NR2F1: variants seen among roughly 807,000 people sequenced by gnomAD.
NR2F1 encodes nuclear receptor subfamily 2 group F member 1.
NR2F1 carries 1 observed loss-of-function variant against 37.7 expected under a neutral mutation model. The ratio of observed to expected loss-of-function variants is 0.03; its 90% confidence interval spans 0.01 to 0.13. The LOEUF (loss-of-function observed/expected upper bound fraction) is 0.13, where lower values mean the gene tolerates loss of function less well. Ranked by LOEUF, NR2F1 falls within the 10% of genes least tolerant of loss-of-function variation. The pLI is 1.00. For synonymous variants in NR2F1, 275 were observed against 259.6 expected (o/e 1.06, Z -0.57); for missense variants, 268 against 578.4 (o/e 0.46, Z 5.50).
rs1753176485 is a variant in NR2F1 at position 93,584,021 on chromosome 5, A to AGCGC, written c.-1003_-1002insGCGC. ...CCGCTCTCCAGCGCTGCCTTCCTGA[A>AGCGC]TGGCTGGCTGCGTCCGGCCCTGGAC... On this transcript the variant is annotated 5_prime_UTR_variant, in exon 1 of 3. It removes an upstream start codon present in the reference 5' UTR. Coordinates refer to ENST00000327111, the MANE Select transcript of NR2F1 (RefSeq NM_005654.6). 1.3e-5 allele frequency: 2 copies of AGCGC among 151,392 alleles called. No homozygotes were observed. The highest frequency in any genetic ancestry group is 4.2e-4 in the South Asian group (2 of 4,784). The allele number at this position is 151,392 out of a possible 1,614,324, so 9.4% of individuals were successfully genotyped here.
intron 2 of NR2F1, among the ~76,000 whole-genome samples, chr5:93,591,559 T>A (rs1389288056): frequency 6.6e-6 from 1 of 152,178 alleles, no homozygotes; most frequent in Non-Finnish European, 1.5e-5. Flanking sequence ...GGCAGGCCTT[T>A]CCTGGGCTTC....
Position 93,585,071 on chromosome 5 carries a change from C to G in NR2F1, c.48C>G (p.Ala16=). The G allele has an allele frequency of 9.7e-7, 1 of 1,030,558 alleles. No homozygotes were observed. The highest frequency in any genetic ancestry group is 1.2e-6 in the Non-Finnish European group (1 of 861,012). 63.8% of individuals were successfully genotyped at this position (1,030,558 alleles called of 1,614,324 possible). A position where few individuals can be genotyped will look rare whatever the true frequency, so the allele number is the denominator to read the frequency against. Residue 16 remains alanine (A), a synonymous_variant, in exon 1 of 3, where the codon GCC becomes GCG. Coordinates refer to ENST00000327111, the MANE Select transcript of NR2F1 (RefSeq NM_005654.6). The part of the protein sequence containing the change: ...SSWRDPQDDV[A]GGNPGGPNPA... ...GGCGAGATCCGCAGGACGACGTGGC[C>G]GGGGGCAACCCCGGCGGCCCCAACC...
chr5:93,584,585 G>A lies in NR2F1; in HGVS notation c.-439G>A, dbSNP rs1277461279. ...ATTTCTGATTTTGCAACTTGGGGAA[G>A]AAGAAAAAAGCGAGAGAAGGGAGCT... On this transcript the variant is annotated 5_prime_UTR_variant, in exon 1 of 3. Coordinates refer to ENST00000327111, the MANE Select transcript of NR2F1 (RefSeq NM_005654.6). 1 of 144,148 alleles carries A rather than the reference G, an allele frequency of 6.9e-6. No individual in the cohort carries two copies. The highest frequency in any genetic ancestry group is 2.5e-5 in the African/African-American group (1 of 39,954). The allele number at this position is 144,148 out of a possible 1,614,324, so 8.9% of individuals were successfully genotyped here.
intron 2 of NR2F1, among the ~76,000 whole-genome samples, chr5:93,588,813 CTCTG>C (rs1279894527): frequency 1.4e-5 from 2 of 146,782 alleles, no homozygotes; most frequent in Non-Finnish European, 3.1e-5. Context: ...GTGTGTGTGT[CTCTG>C]TGTGTGTGTC....
In NR2F1 at chr5:93,593,695, C is replaced by T. The variant is rs1428347041; in HGVS notation, c.1125C>T (p.Pro375=). 2 of 1,614,190 alleles carry T rather than the reference C, an allele frequency of 1.2e-6. No individual in the cohort carries two copies. Among genetic ancestry groups the T allele is most frequent in the Non-Finnish European group, 1.7e-6 (2 of 1,180,038 alleles). ...SRFGKLLLRL[P]SLRTVSSSVI... is the part of the protein sequence containing the mutation. ...TTGGCAAACTGCTGCTGCGACTGCCCTCGCTGCGCACCGTGTCCTCCTCCG... is the reference window on the plus strand; with the variant it reads ...TTGGCAAACTGCTGCTGCGACTGCCTTCGCTGCGCACCGTGTCCTCCTCCG... Residue 375 remains proline (P), a synonymous_variant, in exon 3 of 3, where the codon CCC becomes CCT. Coordinates refer to ENST00000327111, the MANE Select transcript of NR2F1 (RefSeq NM_005654.6). The surrounding 1 kb of genome is among the most constrained non-coding windows in gnomAD (Gnocchi z 5.6).
intron 2 of NR2F1, among the ~76,000 whole-genome samples, chr5:93,588,729 A>T (rs1040003751): frequency 6.7e-6 from 1 of 149,686 alleles, no homozygotes; most frequent in Non-Finnish European, 1.5e-5. Flanking sequence ...GCGGCTGCCG[A>T]GGGTGTGTGT....
intron 2 of NR2F1, chr5:93,592,090 C>G (rs997614725): frequency 1.3e-5 from 2 of 152,184 alleles, no homozygotes; most frequent in South Asian, 4.1e-4. Flanking sequence ...TATTTTTGCT[C>G]GAGGCCATAG....
In NR2F1 at chr5:93,593,866, C is replaced by G; in HGVS notation, c.*24C>G. 6.2e-7 allele frequency: 1 copy of G among 1,606,162 alleles called. No homozygotes were observed. Among genetic ancestry groups the G allele is most frequent in the Non-Finnish European group, 8.5e-7 (1 of 1,174,914 alleles). ...AGACCTTGGGCGCTTCCCACCTGCC[C>G]CGTCCCCCTAGAGACTCAGAGGACC... On this transcript the variant is annotated 3_prime_UTR_variant, in exon 3 of 3. Coordinates refer to ENST00000327111, the MANE Select transcript of NR2F1 (RefSeq NM_005654.6). The surrounding 1 kb of genome is among the most constrained non-coding windows in gnomAD (Gnocchi z 5.6).
At chr5:93,587,548 A>ATTTT (rs59902398) in intron 1 of NR2F1, 29 of 207,878 alleles carry the variant, frequency 1.4e-4, no homozygotes, top group African/African-American at 5.6e-4. Context: ...TTTAACCCTG[A>ATTTT]TTTTTTTTTT....
chr5:93,585,561 T>A, intron 1 of NR2F1, 75 bp downstream of exon 1: 1 of 1,266,080 alleles, frequency 7.9e-7, no homozygotes, highest in Non-Finnish European at 1.1e-6. Flanking sequence ...CTCGCCCGGG[T>A]GGTTGCTGTG....
intron 1 of NR2F1, chr5:93,587,582 T>C: frequency 7.4e-6 from 2 of 268,758 alleles, no homozygotes; most frequent in South Asian, 1.6e-4. Context: ...GTGAGTGGGG[T>C]TTCATTTATC....
intron 1 of NR2F1, chr5:93,587,613 C>A: frequency 2.8e-6 from 1 of 352,792 alleles, no homozygotes; most frequent in Non-Finnish European, 5.1e-6. Context: ...CCCGTGGTGG[C>A]TTAGGGGTTG....
chr5:93,585,401 G>T lies in NR2F1; in HGVS notation c.378G>T (p.Arg126Ser). The T allele has an allele frequency of 6.2e-7, 1 of 1,614,092 alleles. No individual in the cohort carries two copies. The highest frequency in any genetic ancestry group is 8.5e-7 in the Non-Finnish European group (1 of 1,180,002). Residue 126 changes from arginine (R) to serine (S), a missense_variant, in exon 1 of 3, where the codon AGG becomes AGT. By Grantham distance (110) the Arg-to-Ser change is moderately radical. Transcript: ENST00000327111. ...RNLTYTCRAN[R>S]NCPIDQHHRN... is the part of the protein sequence containing the mutation. Reference sequence around the variant, plus strand: ...TAACTTACACATGCCGTGCCAACAGGAACTGTCCCATCGACCAGCACCACC... The same window carrying T: ...TAACTTACACATGCCGTGCCAACAGTAACTGTCCCATCGACCAGCACCACC...
Position 93,593,509 on chromosome 5 carries a change from C to G in NR2F1, c.992-53C>G. ...TTATTTTGCCTTTGCTATTTGTCAG[C>G]CTAACCGTGTGCTCCCTTTCCCTGT... On this transcript the variant is annotated intron_variant, in intron 2 of 2. Coordinates refer to ENST00000327111, the MANE Select transcript of NR2F1 (RefSeq NM_005654.6). This position sits in a 1 kb window ranked among gnomAD's most constrained non-coding sequence, Gnocchi z 5.6. 6.4e-7 allele frequency: 1 copy of G among 1,562,156 alleles called. No homozygotes were observed. Among genetic ancestry groups the G allele is most frequent in the Non-Finnish European group, 8.7e-7 (1 of 1,144,284 alleles).
Position 93,584,158 on chromosome 5 carries a change from A to T in NR2F1, c.-866A>T, listed in dbSNP as rs1753179537. ...GAGCCCGGCGAGGGCTCCCGCCGGG[A>T]CAGCGGCGGCGCCGCGGGCGGCCCC... On this transcript the variant is annotated 5_prime_UTR_variant, in exon 1 of 3. Coordinates refer to ENST00000327111, the MANE Select transcript of NR2F1 (RefSeq NM_005654.6). 6.7e-6 allele frequency: 1 copy of T among 149,130 alleles called. No homozygotes were observed. Among genetic ancestry groups the T allele is most frequent in the East Asian group, 2.0e-4 (1 of 5,076 alleles). 9.2% of individuals were successfully genotyped at this position (149,130 alleles called of 1,614,324 possible). A position where few individuals can be genotyped will look rare whatever the true frequency, so the allele number is the denominator to read the frequency against.
rs2149946003 is a variant in NR2F1, at chr5:93,593,594, G to A, written c.1024G>A (p.Glu342Lys). The change falls in exon 3 of 3, where the codon GAG (glutamate) becomes AAG (lysine). Residue 342 changes from glutamate (E) to lysine (K), a missense_variant. Physicochemically the swap from Glu to Lys is moderately conservative, Grantham distance 56. Around this residue, in one of 5 missense-constraint regions of NR2F1, gnomAD observed 99 missense variants for 191.9 expected, o/e 0.52. Transcript: ENST00000327111. This position sits in a 1 kb window ranked among gnomAD's most constrained non-coding sequence, Gnocchi z 5.6. ...TGGCCTGTCGGATGCGGCCCACATC[G>A]AGAGCCTGCAGGAGAAGTCGCAGTG... ...ACGLSDAAHI[E>K]SLQEKSQCAL... 1 of 1,613,796 alleles carries A rather than the reference G, an allele frequency of 6.2e-7. No homozygotes were observed. Among genetic ancestry groups the A allele is most frequent in the Non-Finnish European group, 8.5e-7 (1 of 1,179,966 alleles).
Position 93,593,482 on chromosome 5 carries a change from G to T in NR2F1, c.992-80G>T. On this transcript the variant is annotated intron_variant, in intron 2 of 2. Coordinates refer to ENST00000327111, the MANE Select transcript of NR2F1 (RefSeq NM_005654.6). The surrounding 1 kb of genome is among the most constrained non-coding windows in gnomAD (Gnocchi z 5.6). ...ATTTTCTCCTTAAAAAAAATTGATG[G>T]CTTATTTTGCCTTTGCTATTTGTCA... 2.9e-6 allele frequency: 4 copies of T among 1,403,428 alleles called. No homozygotes were observed. The highest frequency in any genetic ancestry group is 2.3e-5 in the East Asian group (1 of 43,162). The allele number at this position is 1,403,428 out of a possible 1,614,324, so 86.9% of individuals were successfully genotyped here.
At position 93,584,183 on chromosome 5, in the gene NR2F1, C is replaced by G. The variant is rs1327976709; in HGVS notation, c.-841C>G. The G allele has an allele frequency of 6.7e-6, 1 of 148,788 alleles. No individual in the cohort carries two copies. 9.2% of individuals were successfully genotyped at this position (148,788 alleles called of 1,614,324 possible). A position where few individuals can be genotyped will look rare whatever the true frequency, so the allele number is the denominator to read the frequency against. ...ACAGCGGCGGCGCCGCGGGCGGCCC[C>G]GGCCTCCGCTCGCGCTCCGGCTGCG... On this transcript the variant is annotated 5_prime_UTR_variant, in exon 1 of 3. Transcript: ENST00000327111.
Position 93,593,792 on chromosome 5 carries a change from C to T in NR2F1, c.1222C>T (p.Leu408=). The T allele has an allele frequency of 1.2e-6, 2 of 1,614,236 alleles. No individual in the cohort carries two copies. The highest frequency in any genetic ancestry group is 1.7e-6 in the Non-Finnish European group (2 of 1,180,044). The change falls in exon 3 of 3, where the codon CTG becomes TTG. Residue 408 remains leucine (L), a synonymous_variant. Coordinates refer to ENST00000327111, the MANE Select transcript of NR2F1 (RefSeq NM_005654.6). This position sits in a 1 kb window ranked among gnomAD's most constrained non-coding sequence, Gnocchi z 5.6. ...CGAAACTCTCATCCGCGATATGTTA[C>T]TGTCTGGGAGCAGCTTCAACTGGCC... The part of the protein sequence containing the change: ...PIETLIRDML[L]SGSSFNWPYM...
Sources: gnomAD v4.1 joint callset for allele counts (sites outside exome capture counted in the v4.1 genomes callset) on GRCh38, gnomAD v4.1.1 for gene constraint, gnomAD v4.1.1 regional missense constraint, Gnocchi (gnomAD v3.1) non-coding constraint, MANE v1.5 for transcripts, NCBI Gene and HGNC (gene_info 2026-07-23, HGNC 2026-07-21) for gene names.